ZNF844: variants seen among roughly 807,000 people sequenced by gnomAD.
The protein encoded by ZNF844 is zinc finger protein 844.
ZNF844 carries 11 observed loss-of-function variants against 11.4 expected under a neutral mutation model. That is an observed-to-expected ratio of 0.97 (90% CI 0.61 to 1.60). The LOEUF is 1.60. Among genes scored for constraint, ZNF844 ranks in the 40% most tolerant of loss-of-function variants. ZNF844 has a pLI of 0.00. For missense variants in ZNF844, 790 were observed against 796.8 expected (o/e 0.99, Z 0.10); for synonymous variants, 248 against 260.3 (o/e 0.95, Z 0.46).
intron 1 of ZNF844, among the ~76,000 whole-genome samples, chr19:12,072,120 C>T (rs1162711707): frequency 1.3e-5 from 2 of 152,096 alleles, no homozygotes; most frequent in Non-Finnish European, 2.9e-5. Flanking sequence ...CTCCTGACCT[C>T]GTGATCCACT....
intron 1 of ZNF844, among the ~76,000 whole-genome samples, chr19:12,068,532 T>C (rs1975717878): frequency 6.6e-6 from 1 of 151,974 alleles, no homozygotes; most frequent in African/African-American, 2.4e-5. Context: ...CTCAGGAGGC[T>C]GAGGCAGGAG....
intron 1 of ZNF844, among the ~76,000 whole-genome samples, chr19:12,065,634 C>G (rs1227496565): frequency 7.1e-6 from 1 of 141,472 alleles, no homozygotes; most frequent in Non-Finnish European, 1.5e-5. Context: ...TTTTTTCTTA[C>G]AATTTTTTTT....
In ZNF844 at chr19:12,076,784, T is replaced by C. The variant is rs1390784638; in HGVS notation, c.1664T>C (p.Leu555Pro). 5.7e-6 allele frequency: 9 copies of C among 1,576,352 alleles called. No individual in the cohort carries two copies. Among genetic ancestry groups the C allele is most frequent in the Non-Finnish European group, 7.8e-6 (9 of 1,159,930 alleles). Residue 555 changes from leucine to proline, a missense_variant, in exon 4 of 4, where the codon CTG becomes CCG. By Grantham distance (98) the Leu-to-Pro change is moderately conservative (BLOSUM62 -3). Around this residue, in one of 3 missense-constraint regions of ZNF844, gnomAD observed 657 missense variants for 636.2 expected, o/e 1.03. Transcript: ENST00000439326. Reference protein sequence around the residue: ...ETFKFMKRHTLERNPIRNMEK... With the variant: ...ETFKFMKRHTPERNPIRNMEK... ...TTCAAATTCATGAAAAGACACACCC[T>C]GGAGAGAAACCCTATAAGGAATATG...
At position 12,077,039 on chromosome 19, in the gene ZNF844, A is replaced by G; in HGVS notation, c.1919A>G (p.Asn640Ser). The G allele has an allele frequency of 3.8e-6, 6 of 1,597,614 alleles. No individual in the cohort carries two copies. Among genetic ancestry groups the G allele is most frequent in the East Asian group, 2.3e-5 (1 of 43,750 alleles). ...VYTKGCTLERNHINVRIVGKH... is the reference protein window; with the variant it reads ...VYTKGCTLERSHINVRIVGKH... Reference sequence around the variant, plus strand: ...ACAAAAGGATGCACACTGGAGAGAAACCATATTAATGTAAGGATTGTGGGA... The same window carrying G: ...ACAAAAGGATGCACACTGGAGAGAAGCCATATTAATGTAAGGATTGTGGGA... Residue 640 changes from asparagine to serine, a missense_variant, in exon 4 of 4, where the codon AAC (asparagine) becomes AGC (serine). Around this residue, in one of 3 missense-constraint regions of ZNF844, gnomAD observed 657 missense variants for 636.2 expected, o/e 1.03. Coordinates refer to ENST00000439326, the MANE Select transcript of ZNF844 (RefSeq NM_001136501.3).
chr19:12,074,394 A>C lies in ZNF844; in HGVS notation c.164A>C (p.Gln55Pro). ...TGGAAAGACCAGAACATTGAAGATCAGTACAAAAATCCCAGGAATAATCTA... is the reference window on the plus strand; with the variant it reads ...TGGAAAGACCAGAACATTGAAGATCCGTACAAAAATCCCAGGAATAATCTA... Reference protein sequence around the residue: ...EKWKDQNIEDQYKNPRNNLRS... With the variant: ...EKWKDQNIEDPYKNPRNNLRS... The change falls in exon 3 of 4, where the codon CAG becomes CCG. Residue 55 changes from glutamine (Q) to proline (P), a missense_variant. Physicochemically the swap from Gln to Pro is moderately conservative, Grantham distance 76 (BLOSUM62 -1). Around this residue, in one of 3 missense-constraint regions of ZNF844, gnomAD observed 129 missense variants for 144.0 expected, o/e 0.90. Coordinates refer to ENST00000439326, the MANE Select transcript of ZNF844 (RefSeq NM_001136501.3). 6.5e-7 allele frequency: 1 copy of C among 1,538,036 alleles called. No individual in the cohort carries two copies.
chr19:12,080,375 T>C lies in ZNF844; in HGVS notation c.*3254T>C. ...AAAAAAAAAAAAAAAAAGAGAAGTCTGACAGGACAATAAAATTTAGAAATG... is the reference window on the plus strand; with the variant it reads ...AAAAAAAAAAAAAAAAAGAGAAGTCCGACAGGACAATAAAATTTAGAAATG... On this transcript the variant is annotated 3_prime_UTR_variant, in exon 4 of 4. Transcript: ENST00000439326. 2.7e-6 allele frequency: 1 copy of C among 372,294 alleles called. No homozygotes were observed. The highest frequency in any genetic ancestry group is 5.1e-6 in the Non-Finnish European group (1 of 194,366). 23.1% of individuals were successfully genotyped at this position (372,294 alleles called of 1,614,324 possible).
chr19:12,068,647 A>T (rs532169883), intron 1 of ZNF844, among the ~76,000 whole-genome samples: 1 of 152,338 alleles, frequency 6.6e-6, no homozygotes, highest in Admixed American at 6.5e-5. Flanking sequence ...AAAATAAAAA[A>T]TAAAATAATT....
At chr19:12,073,376 G>A (rs145843058) in intron 1 of ZNF844, among the ~76,000 whole-genome samples, 4 of 152,110 alleles carry the variant, frequency 2.6e-5, no homozygotes, top group South Asian at 2.1e-4. Context: ...GGCTGGTCTC[G>A]AACTCCTGAT....
At chr19:12,065,761 C>T (rs147124633) in intron 1 of ZNF844, among the ~76,000 whole-genome samples, 5 of 151,822 alleles carry the variant, frequency 3.3e-5, no homozygotes, top group African/African-American at 1.2e-4. Context: ...CTCAGCTTCC[C>T]TAGTAGCTGG....
chr19:12,080,243 G>A lies in ZNF844; in HGVS notation c.*3122G>A, dbSNP rs149704617. On this transcript the variant is annotated 3_prime_UTR_variant, in exon 4 of 4. Coordinates refer to ENST00000439326, the MANE Select transcript of ZNF844 (RefSeq NM_001136501.3). ...TGGGCGCCTGTAGTCCCAGCTACTC[G>A]GGAGGCTGAAGCAGGAGAATGGCGT... 1.5e-3 allele frequency: 312 copies of A among 211,054 alleles called. 12 individuals carry two copies. The East Asian group carries it at 0.044, about 30-fold the overall frequency. The allele number at this position is 211,054 out of a possible 1,614,324, so 13.1% of individuals were successfully genotyped here.
In ZNF844 at chr19:12,077,367, GGAGA is replaced by G. The variant is rs1184617009; in HGVS notation, c.*249_*252del. 1.3e-6 allele frequency: 1 copy of G among 797,680 alleles called. No individual in the cohort carries two copies. The highest frequency in any genetic ancestry group is 1.7e-5 in the African/African-American group (1 of 58,966). 49.4% of individuals were successfully genotyped at this position (797,680 alleles called of 1,614,324 possible). A position where few individuals can be genotyped will look rare whatever the true frequency, so the allele number is the denominator to read the frequency against. ...TCAGTACCATGAAAGGACTCACACT[GGAGA>G]GAAACAGTATGAGTGTAAGCAGTGT... On this transcript the variant is annotated 3_prime_UTR_variant, in exon 4 of 4. Coordinates refer to ENST00000439326, the MANE Select transcript of ZNF844 (RefSeq NM_001136501.3).
chr19:12,067,372 G>C (rs890733322), intron 1 of ZNF844, among the ~76,000 whole-genome samples: 5 of 151,962 alleles, frequency 3.3e-5, no homozygotes, highest in African/African-American at 1.2e-4. Flanking sequence ...AGCGCTTTGG[G>C]AGGCCGGGTC....
chr19:12,065,459 G>A (rs1975677647), intron 1 of ZNF844, among the ~76,000 whole-genome samples: 1 of 151,946 alleles, frequency 6.6e-6, no homozygotes, highest in South Asian at 2.1e-4. Context: ...TGTTGTAATC[G>A]CCTGAGGGGT....
At position 12,075,578 on chromosome 19, in the gene ZNF844, A is replaced by C. The variant is rs966077931; in HGVS notation, c.458A>C (p.His153Pro). The C allele has an allele frequency of 6.2e-7, 1 of 1,613,916 alleles. No homozygotes were observed. The highest frequency in any genetic ancestry group is 1.3e-5 in the African/African-American group (1 of 74,916). ...CAACGTAAGAAAGCCTTCAGATGTCACCCCTCCTTTCAAATGCAAGAAAAG... is the reference window on the plus strand; with the variant it reads ...CAACGTAAGAAAGCCTTCAGATGTCCCCCCTCCTTTCAAATGCAAGAAAAG... Reference protein sequence around the residue: ...CQQRKKAFRCHPSFQMQEKAH... With the variant: ...CQQRKKAFRCPPSFQMQEKAH... The change falls in exon 4 of 4, where the codon CAC becomes CCC. Residue 153 changes from histidine (H) to proline (P), a missense_variant. Physicochemically the swap from His to Pro is moderately conservative, Grantham distance 77. Coordinates refer to ENST00000439326, the MANE Select transcript of ZNF844 (RefSeq NM_001136501.3).
intron 1 of ZNF844, chr19:12,070,329 C>A (rs1975742059): frequency 6.6e-6 from 1 of 152,110 alleles, no homozygotes; most frequent in African/African-American, 2.4e-5. Flanking sequence ...AGAAAAACTT[C>A]TATATTGAAT....
At chr19:12,069,575 A>AT (rs111579049) in intron 1 of ZNF844, among the ~76,000 whole-genome samples, 3,499 of 145,336 alleles carry the variant, frequency 0.024, 92 homozygotes, top group African/African-American at 0.07. Context: ...CCAAAAAGGA[A>AT]TTTTTTTTTT....
At position 12,077,063 on chromosome 19, in the gene ZNF844, G is replaced by T. The variant is rs762866107; in HGVS notation, c.1943G>T (p.Gly648Val). 2.5e-6 allele frequency: 4 copies of T among 1,596,752 alleles called. No homozygotes were observed. In the African/African-American group the frequency reaches 5.4e-5, roughly 21 times the overall value. Residue 648 changes from glycine (G) to valine (V), a missense_variant, in exon 4 of 4, where the codon GGA becomes GTA. Gly to Val is a moderately radical substitution (Grantham distance 109, BLOSUM62 -3). Around this residue, in one of 3 missense-constraint regions of ZNF844, gnomAD observed 657 missense variants for 636.2 expected, o/e 1.03. Coordinates refer to ENST00000439326, the MANE Select transcript of ZNF844 (RefSeq NM_001136501.3). ...AACCATATTAATGTAAGGATTGTGG[G>T]AAAGCATTCAGTTTGCCTGGTTCCT... ...ERNHINVRIV[G>V]KHSVCLVPFV...
chr19:12,076,800 A>T lies in ZNF844; in HGVS notation c.1680A>T (p.Ile560=), dbSNP rs1418194284. 2 of 1,564,980 alleles carry T rather than the reference A, an allele frequency of 1.3e-6. No individual in the cohort carries two copies. Among genetic ancestry groups the T allele is most frequent in the African/African-American group, 2.7e-5 (2 of 72,880 alleles). The part of the protein sequence containing the change: ...MKRHTLERNP[I]RNMEKHSTIS... ...GACACACCCTGGAGAGAAACCCTATAAGGAATATGGAAAAGCATTCAACAA... is the reference window on the plus strand; with the variant it reads ...GACACACCCTGGAGAGAAACCCTATTAGGAATATGGAAAAGCATTCAACAA... The change falls in exon 4 of 4, where the codon ATA becomes ATT. Residue 560 remains isoleucine, a synonymous_variant. Coordinates refer to ENST00000439326, the MANE Select transcript of ZNF844 (RefSeq NM_001136501.3).
At chr19:12,069,027 C>G (rs538664769) in intron 1 of ZNF844, among the ~76,000 whole-genome samples, 3 of 152,284 alleles carry the variant, frequency 2.0e-5, no homozygotes, top group African/African-American at 7.2e-5. Flanking sequence ...GAGAGAATCT[C>G]AGAGCCCTGG....
Sources: allele counts gnomAD v4.1 joint callset (sites outside exome capture counted in the v4.1 genomes callset), GRCh38; gene constraint gnomAD v4.1.1; regional missense constraint gnomAD v4.1.1; transcripts MANE v1.5; gene names NCBI Gene and HGNC (gene_info 2026-07-23, HGNC 2026-07-21).